The following PLCH2 variants were observed in gnomAD, a reference collection of about 807,000 sequenced individuals.
PLCH2 encodes the protein phospholipase C eta 2, also known as 1-phosphatidylinositol 4,5-bisphosphate phosphodiesterase eta-2.
PLCH2 carries 98 observed loss-of-function variants against 134.7 expected under a neutral mutation model. That is an observed-to-expected ratio of 0.73 (90% CI 0.62 to 0.86). The LOEUF is 0.86. Ranked by LOEUF, PLCH2 falls within the 40% of genes least tolerant of loss-of-function variation. PLCH2 has a pLI of 0.00. For missense variants in PLCH2, 1,994 were observed against 1,986.6 expected, an observed-to-expected ratio of 1.00 and a Z score of -0.07; for synonymous variants, 974 against 827.5, an observed-to-expected ratio of 1.18 and a Z score of -3.04.
rs1361223953 is a variant in PLCH2, at chr1:2,502,240, C to T, written c.2790C>T (p.Ala930=). 5 of 1,541,630 alleles carry T rather than the reference C, an allele frequency of 3.2e-6. No homozygotes were observed. Among genetic ancestry groups the T allele is most frequent in the African/African-American group, 2.7e-5 (2 of 72,728 alleles). Residue 930 remains alanine, a synonymous_variant, in exon 21 of 22, where the codon GCC becomes GCT. Transcript: ENST00000378486. ...SVSQRILRRT[A]SAPTKSQKPG... Reference sequence around the variant, plus strand: ...GCCAGCGGATCCTGCGGCGCACGGCCAGCGCCCCGACCAAGAGCCAGAAGC... The same window carrying T: ...GCCAGCGGATCCTGCGGCGCACGGCTAGCGCCCCGACCAAGAGCCAGAAGC...
chr1:2,445,264 C>A (rs1282411437), intron 2 of PLCH2, among the ~76,000 whole-genome samples: 1 of 152,074 alleles, frequency 6.6e-6, no homozygotes, highest in Non-Finnish European at 1.5e-5. Flanking sequence ...AGGCTGAACG[C>A]CTGATGGCCC....
chr1:2,504,417 G>A lies in PLCH2; in HGVS notation c.3455G>A (p.Ser1152Asn). ...SVSSSSSMSS[S>N]DTVIDLSLPS... is the part of the protein sequence containing the mutation. Reference sequence around the variant, plus strand: ...TCCTCCTCCTCCAGCATGTCATCCAGCGACACTGTCATTGACCTCTCCCTG... The same window carrying A: ...TCCTCCTCCTCCAGCATGTCATCCAACGACACTGTCATTGACCTCTCCCTG... Residue 1152 changes from serine to asparagine, a missense_variant, in exon 22 of 22, where the codon AGC becomes AAC. Coordinates refer to ENST00000378486, the MANE Select transcript of PLCH2 (RefSeq NM_014638.4). 1 of 1,612,532 alleles carries A rather than the reference G, an allele frequency of 6.2e-7. No individual in the cohort carries two copies. The highest frequency in any genetic ancestry group is 8.5e-7 in the Non-Finnish European group (1 of 1,179,766).
At chr1:2,460,240 G>A (rs551803859) in intron 2 of PLCH2, among the ~76,000 whole-genome samples, 3 of 152,238 alleles carry the variant, frequency 2.0e-5, no homozygotes, top group South Asian at 2.1e-4. Context: ...ATGCTGCCCC[G>A]GGGTCCCAGG....
At chr1:2,450,464 A>G (rs1640140207) in intron 2 of PLCH2, among the ~76,000 whole-genome samples, 1 of 150,274 alleles carries the variant, frequency 6.7e-6, no homozygotes, top group African/African-American at 2.5e-5. Context: ...AGTGCCCCCA[A>G]CTCGGCCTGC....
At chr1:2,473,315 C>T (rs1399308406), upstream of PLCH2, among the ~76,000 whole-genome samples, 2 of 152,176 alleles carry the variant, frequency 1.3e-5, no homozygotes, top group Non-Finnish European at 2.9e-5. Context: ...TCAGGGTGGG[C>T]CGGTGCAGCC....
chr1:2,502,048 G>T, intron 20 of PLCH2, 64 bp from the exon 21 acceptor site: 1 of 1,357,490 alleles, frequency 7.4e-7, no homozygotes, highest in Non-Finnish European at 9.6e-7. Flanking sequence ...AGCTGGCCCT[G>T]GGGGAGCAGC....
At chr1:2,422,539 C>T (rs181313161), upstream of PLCH2, among the ~76,000 whole-genome samples, 27 of 152,244 alleles carry the variant, frequency 1.8e-4, no homozygotes, top group African/African-American at 6.0e-4. Flanking sequence ...ATGGTACACC[C>T]GGACTGGATG....
Position 2,497,542 on chromosome 1 carries a change from G to A in PLCH2, c.2157G>A (p.Leu719=), listed in dbSNP as rs1482146400. 1 of 1,561,814 alleles carries A rather than the reference G, an allele frequency of 6.4e-7. No homozygotes were observed. Among genetic ancestry groups the A allele is most frequent in the South Asian group, 1.2e-5 (1 of 84,580 alleles). Residue 719 remains leucine (L), a synonymous_variant, in exon 16 of 22, where the codon CTG becomes CTA. Transcript: ENST00000378486. The part of the protein sequence containing the change: ...NYQSEGRMLQ[L]NRAKFSANGG... ...AGTCAGAGGGGCGGATGCTGCAGCTGAACCGAGCCAAGTTCAGCGCCAACG... is the reference window on the plus strand; with the variant it reads ...AGTCAGAGGGGCGGATGCTGCAGCTAAACCGAGCCAAGTTCAGCGCCAACG...
In PLCH2 at chr1:2,503,948, C is replaced by A. The variant is rs1449909777; in HGVS notation, c.2986C>A (p.Pro996Thr). Reference protein sequence around the residue: ...RDTRPLSTQRPLPPLCSLETI... With the variant: ...RDTRPLSTQRTLPPLCSLETI... ...CACCCGCCCCCTCTCCACGCAGCGG[C>A]CACTCCCCCCACTGTGCAGCCTGGA... The change falls in exon 22 of 22, where the codon CCA becomes ACA. Residue 996 changes from proline to threonine, a missense_variant. By Grantham distance (38) the Pro-to-Thr change is conservative. This residue lies in a region of PLCH2 where 900 missense variants were observed against 752.3 expected (regional missense o/e 1.20). Transcript: ENST00000378486. 2 of 1,370,158 alleles carry A rather than the reference C, an allele frequency of 1.5e-6. No individual in the cohort carries two copies. Among genetic ancestry groups the A allele is most frequent in the Non-Finnish European group, 2.0e-6 (2 of 989,250 alleles). 84.9% of individuals were successfully genotyped at this position (1,370,158 alleles called of 1,614,324 possible). A position where few individuals can be genotyped will look rare whatever the true frequency, so the allele number is the denominator to read the frequency against.
chr1:2,445,660 T>C (rs1456556516), intron 2 of PLCH2, among the ~76,000 whole-genome samples: 1 of 151,672 alleles, frequency 6.6e-6, no homozygotes, highest in African/African-American at 2.4e-5. Context: ...GCAGAGGAGC[T>C]GGTGGGCAGG....
chr1:2,473,251 G>T (rs907730168), upstream of PLCH2, among the ~76,000 whole-genome samples: 2 of 152,338 alleles, frequency 1.3e-5, no homozygotes, highest in South Asian at 4.1e-4. Context: ...ACAACCCAAG[G>T]TCGGGGGGCA....
chr1:2,428,263 C>T (rs532478379), intron 1 of PLCH2, among the ~76,000 whole-genome samples: 19 of 152,316 alleles, frequency 1.2e-4, no homozygotes, highest in African/African-American at 3.6e-4. Flanking sequence ...TCCTGGGGAT[C>T]GGCCAGCACT....
chr1:2,478,676 G>A lies in PLCH2; in HGVS notation c.271+54G>A, dbSNP rs187917249. 8.4e-4 allele frequency: 1,289 copies of A among 1,527,228 alleles called. 8 individuals are homozygous for A. The African/African-American group carries it at 0.016, about 18-fold the overall frequency. The allele number at this position is 1,527,228 out of a possible 1,614,324, so 94.6% of individuals were successfully genotyped here. ...ATCAGAGTCCCTGGGGGGACACGAC[G>A]GTAGGGACCCTCCCAGGGCAGCCAC... is the stretch of plus-strand genomic sequence containing the variant. On this transcript the variant is annotated intron_variant, in intron 2 of 21. Transcript: ENST00000378486.
At chr1:2,492,117 G>C (rs958382152) in intron 11 of PLCH2, among the ~76,000 whole-genome samples, 1 of 152,216 alleles carries the variant, frequency 6.6e-6, no homozygotes, top group African/African-American at 2.4e-5. Context: ...GTCCCTGCAG[G>C]GACCTTGCTC....
intron 10 of PLCH2, among the ~76,000 whole-genome samples, chr1:2,490,555 G>A (rs193116647): frequency 6.6e-6 from 1 of 152,306 alleles, no homozygotes; most frequent in East Asian, 1.9e-4. Context: ...GCTTCCAGAG[G>A]GGCCATGCAT....
chr1:2,476,785 C>G, intron 1 of PLCH2, 73 bp downstream of exon 1: 1 of 1,458,300 alleles, frequency 6.9e-7, no homozygotes, highest in East Asian at 2.4e-5. Context: ...GGGGGCTGTT[C>G]CTGGAGGTGG....
intron 4 of PLCH2, among the ~76,000 whole-genome samples, chr1:2,483,774 C>T (rs188824253): frequency 0.13 from 6,555 of 51,648 alleles, 412 homozygotes; most frequent in Non-Finnish European, 0.14. Context: ...TGGGGGGGCG[C>T]TGACCCCCGT....
chr1:2,427,543 C>T (rs1638857396), intron 1 of PLCH2, among the ~76,000 whole-genome samples: 1 of 152,178 alleles, frequency 6.6e-6, no homozygotes, highest in Admixed American at 6.5e-5. Flanking sequence ...GGCTGAGGCT[C>T]CCACTTCTAC....
intron 16 of PLCH2, 180 bp downstream of exon 16, chr1:2,497,789 A>G: frequency 1.8e-6 from 1 of 549,640 alleles, no homozygotes; most frequent in Non-Finnish European, 3.3e-6. Flanking sequence ...TGGGTGGGGG[A>G]ACCCTCCTTG....
Sources: allele counts gnomAD v4.1 joint callset (sites outside exome capture counted in the v4.1 genomes callset), GRCh38; gene constraint gnomAD v4.1.1; regional missense constraint gnomAD v4.1.1; transcripts MANE v1.5; gene names NCBI Gene and HGNC (gene_info 2026-07-23, HGNC 2026-07-21).